Variants in PPP1R16B observed in about 807,000 individuals in gnomAD.
PPP1R16B encodes the protein protein phosphatase 1 regulatory inhibitor subunit 16B.
A neutral mutation model predicts 61.7 loss-of-function variants in PPP1R16B; 14 were observed. The observed-to-expected ratio is 0.23, with a 90% confidence interval of 0.15 to 0.35. The LOEUF (loss-of-function observed/expected upper bound fraction) is 0.35, where lower values mean the gene tolerates loss of function less well. Ranked by LOEUF, PPP1R16B falls within the 10% of genes least tolerant of loss-of-function variation. The pLI is 1.00. For missense variants in PPP1R16B, 547 were observed against 752.5 expected (o/e 0.73, Z 3.19); for synonymous variants, 266 against 305.3 (o/e 0.87, Z 1.34).
intron 2 of PPP1R16B, among the ~76,000 whole-genome samples, chr20:38,880,704 T>C (rs538368101): frequency 1.1e-3 from 171 of 152,302 alleles, no homozygotes; most frequent in Admixed American, 6.7e-3. Flanking sequence ...TGGAATTTTG[T>C]TTATCTATTC....
At chr20:38,856,735 C>T (rs11905849) in intron 2 of PPP1R16B, among the ~76,000 whole-genome samples, 5,182 of 152,296 alleles carry the variant, frequency 0.034, 107 homozygotes, top group Non-Finnish European at 0.05. Context: ...AAATAGGAAC[C>T]GTTAGTAACC....
chr20:38,907,955 G>A lies in PPP1R16B; in HGVS notation c.1028+20G>A, dbSNP rs746645560. ...CCGTGGGTGAGTCCGGGGCAGGGCA[G>A]CCAGGAGTCCCTGTGTGTGCTCCTG... On this transcript the variant is annotated intron_variant, in intron 9 of 10. Coordinates refer to ENST00000299824, the MANE Select transcript of PPP1R16B (RefSeq NM_015568.4). The surrounding 1 kb of genome is among the most constrained non-coding windows in gnomAD (Gnocchi z 4.5). The A allele has an allele frequency of 4.3e-5, 70 of 1,613,986 alleles. No homozygotes were observed. Among genetic ancestry groups the A allele is most frequent in the Non-Finnish European group, 5.8e-5 (68 of 1,179,992 alleles).
chr20:38,852,768 T>TTGGGG (rs1601257219), intron 2 of PPP1R16B, among the ~76,000 whole-genome samples: 1 of 62,332 alleles, frequency 1.6e-5, no homozygotes, highest in Non-Finnish European at 3.0e-5. Flanking sequence ...TTTTTTTTTT[T>TTGGGG]GCGGGGGGTG....
intron 2 of PPP1R16B, among the ~76,000 whole-genome samples, chr20:38,856,035 C>A (rs1162765014): frequency 7.0e-6 from 1 of 143,136 alleles, no homozygotes; most frequent in Non-Finnish European, 1.5e-5. Flanking sequence ...CCAGGATTCC[C>A]TTGATGGTTC....
intron 10 of PPP1R16B, among the ~76,000 whole-genome samples, chr20:38,916,379 G>A (rs893796516): frequency 5.5e-5 from 8 of 146,218 alleles, no homozygotes; most frequent in African/African-American, 1.3e-4. Context: ...ATATATGTAC[G>A]TTTTATATAT....
rs539252002 is a variant in PPP1R16B at position 38,921,043 on chromosome 20, C to T, written c.*2377C>T. 6.6e-6 allele frequency: 1 copy of T among 152,382 alleles called. No homozygotes were observed. The highest frequency in any genetic ancestry group is 1.9e-4 in the East Asian group (1 of 5,176). The allele number at this position is 152,382 out of a possible 1,614,324, so 9.4% of individuals were successfully genotyped here. Reference sequence around the variant, plus strand: ...CACGTACTGCCCAACCCACTGAGCGCCTGAGGCCATTCCCTCCTTTTCCGC... The same window carrying T: ...CACGTACTGCCCAACCCACTGAGCGTCTGAGGCCATTCCCTCCTTTTCCGC... On this transcript the variant is annotated 3_prime_UTR_variant, in exon 11 of 11. Transcript: ENST00000299824.
At chr20:38,865,674 A>G (rs1168239709) in intron 2 of PPP1R16B, among the ~76,000 whole-genome samples, 1 of 152,198 alleles carries the variant, frequency 6.6e-6, no homozygotes, top group Admixed American at 6.5e-5. Flanking sequence ...ATGAGGAGAC[A>G]GAGGTGCCGA....
At chr20:38,847,703 A>G (rs2084943809) in intron 2 of PPP1R16B, among the ~76,000 whole-genome samples, 1 of 151,982 alleles carries the variant, frequency 6.6e-6, no homozygotes, top group African/African-American at 2.4e-5. Context: ...GGTTTCAATG[A>G]TTGTGTACGT....
intron 2 of PPP1R16B, among the ~76,000 whole-genome samples, chr20:38,860,533 C>G (rs945505672): frequency 2.6e-5 from 4 of 152,218 alleles, no homozygotes; most frequent in Non-Finnish European, 5.9e-5. Flanking sequence ...CCTCAGAGTT[C>G]CCTCATTCAG....
chr20:38,848,237 A>G (rs868116821), intron 2 of PPP1R16B, among the ~76,000 whole-genome samples: 1 of 152,138 alleles, frequency 6.6e-6, no homozygotes, highest in African/African-American at 2.4e-5. Flanking sequence ...GTTTTCTTCT[A>G]GGGTTTTTTG....
intron 2 of PPP1R16B, among the ~76,000 whole-genome samples, chr20:38,861,978 A>C (rs984151390): frequency 6.6e-6 from 1 of 152,140 alleles, no homozygotes; most frequent in African/African-American, 2.4e-5. Context: ...CCTGGCCTAC[A>C]GTTCTTCTTT....
At chr20:38,888,763 AGGAGGAG>A (rs1039620570) in intron 2 of PPP1R16B, among the ~76,000 whole-genome samples, 2 of 151,836 alleles carry the variant, frequency 1.3e-5, no homozygotes, top group Admixed American at 1.3e-4. Flanking sequence ...TGGTGGGCAG[AGGAGGAG>A]GGAGGAGGGT....
intron 2 of PPP1R16B, among the ~76,000 whole-genome samples, chr20:38,855,982 A>AAGGAGGAGGAGGAGG (rs1555804355): frequency 2.2e-4 from 9 of 41,574 alleles, no homozygotes; most frequent in African/African-American, 1.0e-3. Flanking sequence ...AGAGAGAGAG[A>AAGGAGGAGGAGGAGG]AGGAGGAGGA....
At chr20:38,872,218 T>C (rs2085135143) in intron 2 of PPP1R16B, among the ~76,000 whole-genome samples, 1 of 152,186 alleles carries the variant, frequency 6.6e-6, no homozygotes, top group Non-Finnish European at 1.5e-5. Flanking sequence ...CTAATGTTTA[T>C]TGAATGCCTC....
chr20:38,866,091 T>G (rs2085088444), intron 2 of PPP1R16B, among the ~76,000 whole-genome samples: 1 of 151,218 alleles, frequency 6.6e-6, no homozygotes, highest in African/African-American at 2.4e-5. Flanking sequence ...GCCCCTGCAC[T>G]CCAGCCTGGG....
intron 1 of PPP1R16B, among the ~76,000 whole-genome samples, chr20:38,819,015 A>G (rs1333924415): frequency 2.6e-5 from 4 of 152,110 alleles, no homozygotes; most frequent in Non-Finnish European, 4.4e-5. Flanking sequence ...GGCTCAAGCC[A>G]TCCTTCCATC....
rs563054266 is a variant in PPP1R16B, at chr20:38,919,159, T to C, written c.*493T>C. On this transcript the variant is annotated 3_prime_UTR_variant, in exon 11 of 11. Coordinates refer to ENST00000299824, the MANE Select transcript of PPP1R16B (RefSeq NM_015568.4). ...CTCAGAGTCTCATTACCACTGCCAATGTGGTTTTAGCAGGGGAGGGGACCT... is the reference window on the plus strand; with the variant it reads ...CTCAGAGTCTCATTACCACTGCCAACGTGGTTTTAGCAGGGGAGGGGACCT... The C allele has an allele frequency of 6.5e-6, 1 of 153,072 alleles. No individual in the cohort carries two copies. Among genetic ancestry groups the C allele is most frequent in the East Asian group, 1.9e-4 (1 of 5,172 alleles). 9.5% of individuals were successfully genotyped at this position (153,072 alleles called of 1,614,324 possible).
intron 2 of PPP1R16B, among the ~76,000 whole-genome samples, chr20:38,873,491 T>A (rs1390553187): frequency 2.0e-5 from 3 of 152,180 alleles, no homozygotes; most frequent in Non-Finnish European, 2.9e-5. Flanking sequence ...ACAGTTTCTG[T>A]GAGTCAGGAA....
chr20:38,891,056 G>C (rs2145761635), intron 3 of PPP1R16B, among the ~76,000 whole-genome samples: 1 of 152,312 alleles, frequency 6.6e-6, no homozygotes, highest in East Asian at 1.9e-4. Context: ...ACTCCACTAG[G>C]GAGCAGAGAG....
Sources: allele counts gnomAD v4.1 joint callset (sites outside exome capture counted in the v4.1 genomes callset), GRCh38; gene constraint gnomAD v4.1.1; non-coding constraint Gnocchi (gnomAD v3.1); transcripts MANE v1.5; gene names NCBI Gene and HGNC (gene_info 2026-07-23, HGNC 2026-07-21).